DCAF7: variants seen among roughly 807,000 people sequenced by gnomAD.
DCAF7 encodes the protein DDB1 and CUL4 associated factor 7.
A neutral mutation model predicts 41.2 loss-of-function variants in DCAF7; 4 were observed. The observed-to-expected ratio is 0.10, with a 90% CI of 0.05 to 0.22. The LOEUF (loss-of-function observed/expected upper bound fraction) is 0.22. Among genes scored for constraint, DCAF7 ranks in the 10% least tolerant of loss-of-function variants. The pLI is 1.00. For synonymous variants in DCAF7, 143 were observed against 164.2 expected (o/e 0.87, Z 0.99); for missense variants, 131 against 443.2 (o/e 0.30, Z 6.32).
At chr17:63,582,418 G>GTT (rs2033632221) in intron 4 of DCAF7, among the ~76,000 whole-genome samples, 1 of 151,018 alleles carries the variant, frequency 6.6e-6, no homozygotes, top group East Asian at 1.9e-4. Flanking sequence ...TAGTTTTTCT[G>GTT]TTTCTCTCTC....
intron 1 of DCAF7, among the ~76,000 whole-genome samples, chr17:63,559,155 C>T (rs552793695): frequency 1.2e-4 from 18 of 150,838 alleles, no homozygotes; most frequent in African/African-American, 2.7e-4. Flanking sequence ...ACTAAAAATA[C>T]GAAAAATTAG....
At chr17:63,570,046 A>C (rs565374586) in intron 1 of DCAF7, among the ~76,000 whole-genome samples, 12 of 152,272 alleles carry the variant, frequency 7.9e-5, no homozygotes, top group African/African-American at 2.9e-4. Flanking sequence ...TGGTAAGAGA[A>C]ACTGGGAAGC....
chr17:63,584,489 C>T (rs1308457862), intron 5 of DCAF7, among the ~76,000 whole-genome samples: 2 of 150,840 alleles, frequency 1.3e-5, no homozygotes, highest in African/African-American at 4.9e-5. Flanking sequence ...AGGCCAGGCA[C>T]GGTGGCTCAC....
chr17:63,559,373 A>ATG (rs556539748), intron 1 of DCAF7, among the ~76,000 whole-genome samples: 24 of 82,118 alleles, frequency 2.9e-4, no homozygotes, highest in African/African-American at 9.0e-4. Context: ...GTATATATAT[A>ATG]TGTGTATATA....
intron 1 of DCAF7, among the ~76,000 whole-genome samples, chr17:63,551,732 G>T (rs1429961283): frequency 6.6e-6 from 1 of 151,814 alleles, no homozygotes; most frequent in East Asian, 1.9e-4. Context: ...CCTGCTTTAT[G>T]CCATGAACAT....
rs1040813262 is a variant in DCAF7, at chr17:63,594,185, C to G, written c.*5013C>G. The stretch of plus-strand genomic sequence containing the variant: ...TAAGTAAATTAAACCTAATTTTCAC[C>G]CTTTCATTCTGTTTCAGCCTCCTGT... On this transcript the variant is annotated 3_prime_UTR_variant, in exon 7 of 7. Transcript: ENST00000614556. The G allele has an allele frequency of 2.0e-5, 3 of 152,566 alleles. No homozygotes were observed. The highest frequency in any genetic ancestry group is 4.4e-5 in the Non-Finnish European group (3 of 68,036). The allele number at this position is 152,566 out of a possible 1,614,324, so 9.5% of individuals were successfully genotyped here.
At chr17:63,584,208 G>A (rs570100585) in intron 5 of DCAF7, among the ~76,000 whole-genome samples, 2 of 152,276 alleles carry the variant, frequency 1.3e-5, no homozygotes, top group East Asian at 1.9e-4. Flanking sequence ...TCTGGGTCAC[G>A]CCTGTAATCC....
At chr17:63,586,118 C>G (rs1244477672) in intron 6 of DCAF7, among the ~76,000 whole-genome samples, 15 of 124,432 alleles carry the variant, frequency 1.2e-4, no homozygotes, top group African/African-American at 4.5e-4. Flanking sequence ...GAGCAAGACT[C>G]TGTCTCCAAA....
At chr17:63,578,359 G>A in intron 1 of DCAF7, 111 bp from the exon 2 acceptor site, 1 of 1,472,520 alleles carries the variant, frequency 6.8e-7, no homozygotes, top group Non-Finnish European at 9.3e-7. Flanking sequence ...GCAAGATCCT[G>A]TCTTTAAAAC....
Position 63,550,902 on chromosome 17 carries a change from C to T in DCAF7, c.138+87C>T, listed in dbSNP as rs935076207. The T allele has an allele frequency of 4.8e-5, 74 of 1,530,390 alleles. No individual in the cohort carries two copies. The highest frequency in any genetic ancestry group is 1.2e-4 in the East Asian group (5 of 41,292). 94.8% of individuals were successfully genotyped at this position (1,530,390 alleles called of 1,614,324 possible). A position where few individuals can be genotyped will look rare whatever the true frequency, so the allele number is the denominator to read the frequency against. ...CGGGCCGGAGCCCAGGCCTCAGAACCCTCTTGCGGACTCGCCCTAGGGCCA... is the reference window on the plus strand; with the variant it reads ...CGGGCCGGAGCCCAGGCCTCAGAACTCTCTTGCGGACTCGCCCTAGGGCCA... On this transcript the variant is annotated intron_variant, in intron 1 of 6. Coordinates refer to ENST00000614556, the MANE Select transcript of DCAF7 (RefSeq NM_005828.5). This position sits in a 1 kb window ranked among gnomAD's most constrained non-coding sequence, Gnocchi z 4.8.
At chr17:63,562,332 A>G (rs982627172) in intron 1 of DCAF7, among the ~76,000 whole-genome samples, 2 of 152,116 alleles carry the variant, frequency 1.3e-5, no homozygotes, top group African/African-American at 2.4e-5. Context: ...GTCCACAAAC[A>G]TTATTAGAAA....
At position 63,550,560 on chromosome 17, in the gene DCAF7, T is replaced by C; in HGVS notation, c.-118T>C. On this transcript the variant is annotated 5_prime_UTR_variant, in exon 1 of 7. Transcript: ENST00000614556. The surrounding 1 kb of genome is among the most constrained non-coding windows in gnomAD (Gnocchi z 4.8). ...TGTCGCCGCATCCCCGCTTCCGGGTTAGGCCGTTCCTGCCCGCCCCCTCCT... is the reference window on the plus strand; with the variant it reads ...TGTCGCCGCATCCCCGCTTCCGGGTCAGGCCGTTCCTGCCCGCCCCCTCCT... 6.8e-7 allele frequency: 1 copy of C among 1,473,184 alleles called. No homozygotes were observed. Among genetic ancestry groups the C allele is most frequent in the East Asian group, 2.3e-5 (1 of 42,894 alleles). 91.3% of individuals were successfully genotyped at this position (1,473,184 alleles called of 1,614,324 possible).
At chr17:63,588,926 G>A in intron 6 of DCAF7, 74 bp from the exon 7 acceptor site, 2 of 1,474,566 alleles carry the variant, frequency 1.4e-6, no homozygotes, top group Non-Finnish European at 1.8e-6. Flanking sequence ...ACTGTGACTT[G>A]CTCCTGAAAT....
chr17:63,561,381 G>T (rs945526930), intron 1 of DCAF7, among the ~76,000 whole-genome samples: 19 of 152,078 alleles, frequency 1.2e-4, no homozygotes, highest in Admixed American at 1.1e-3. Flanking sequence ...GGGAGAATTT[G>T]GTTCATATGT....
intron 1 of DCAF7, among the ~76,000 whole-genome samples, chr17:63,570,251 C>A (rs1485601143): frequency 6.6e-6 from 1 of 151,910 alleles, no homozygotes; most frequent in Non-Finnish European, 1.5e-5. Flanking sequence ...CTCAGGAGTT[C>A]CAGACCAGCC....
In DCAF7 at chr17:63,555,131, T is replaced by G. The variant is rs141828184; in HGVS notation, c.138+4316T>G. On this transcript the variant is annotated intron_variant, in intron 1 of 6. Coordinates refer to ENST00000614556, the MANE Select transcript of DCAF7 (RefSeq NM_005828.5). ...TTGGTCTTTAGGCCCAGGTGTTATT[T>G]CCCCTCTTTTATTGGGAAAAGCTGG... Among the ~76,000 whole-genome samples, 443 of 152,372 alleles carry G rather than the reference T, an allele frequency of 2.9e-3. 1 individual carries two copies. Among genetic ancestry groups the G allele is most frequent in the African/African-American group, 1.0e-2 (414 of 41,596 alleles).
intron 1 of DCAF7, among the ~76,000 whole-genome samples, chr17:63,562,972 A>G (rs192830193): frequency 3.9e-5 from 6 of 152,070 alleles, no homozygotes. Context: ...TTACAGACGC[A>G]CAACACCCTG....
intron 1 of DCAF7, among the ~76,000 whole-genome samples, chr17:63,573,570 CA>C (rs60800701): frequency 9.5e-5 from 14 of 147,794 alleles, no homozygotes; most frequent in African/African-American, 1.2e-4. Flanking sequence ...ACGAAAAATA[CA>C]AAAAAAAAAT....
In DCAF7 at chr17:63,568,820, C is replaced by T. The variant is rs1041002971; in HGVS notation, c.139-9650C>T. 2.0e-5 allele frequency among the ~76,000 whole-genome samples: 3 copies of T among 152,206 alleles called. No homozygotes were observed. In the East Asian group the frequency reaches 5.8e-4, roughly 29 times the overall value. On this transcript the variant is annotated intron_variant, in intron 1 of 6. Coordinates refer to ENST00000614556, the MANE Select transcript of DCAF7 (RefSeq NM_005828.5). ...ATACATGTCTCTTTTCTGCCTCTTT[C>T]CTTGCATGCTTGTCATTCTCACTCG... is the stretch of plus-strand genomic sequence containing the variant.
Sources: allele counts gnomAD v4.1 joint callset (sites outside exome capture counted in the v4.1 genomes callset), GRCh38; gene constraint gnomAD v4.1.1; non-coding constraint Gnocchi (gnomAD v3.1); transcripts MANE v1.5; gene names NCBI Gene and HGNC (gene_info 2026-07-23, HGNC 2026-07-21).